The following CHRNA5 variants were observed in gnomAD, a reference collection of about 807,000 sequenced individuals.
The protein encoded by CHRNA5 is neuronal acetylcholine receptor subunit alpha-5.
In CHRNA5, 28 loss-of-function variants were observed where a neutral mutation model predicts 41.2. The observed-to-expected ratio is 0.68, with a 90% CI of 0.50 to 0.93. The LOEUF (loss-of-function observed/expected upper bound fraction) is 0.93. Ranked by LOEUF, CHRNA5 falls within the 40% of genes least tolerant of loss-of-function variation. The probability of loss-of-function intolerance (pLI) is 0.00; values close to 1 mark genes in which losing one functional copy is unlikely to be tolerated. For missense variants in CHRNA5, 481 were observed against 581.9 expected, an observed-to-expected ratio of 0.83 and a Z score of 1.78; for synonymous variants, 188 against 205.8, an observed-to-expected ratio of 0.91 and a Z score of 0.74.
intron 1 of CHRNA5, among the ~76,000 whole-genome samples, chr15:78,569,198 A>T (rs559371734): frequency 1.3e-5 from 2 of 152,172 alleles, no homozygotes; most frequent in East Asian, 3.9e-4. Flanking sequence ...TGCATTTATT[A>T]ATGTAGCCTA....
intron 1 of CHRNA5, among the ~76,000 whole-genome samples, chr15:78,572,454 A>T (rs1050444587): frequency 6.6e-6 from 1 of 152,136 alleles, no homozygotes; most frequent in East Asian, 1.9e-4. Context: ...ATCTACTGGT[A>T]TATAGTTTAT....
chr15:78,593,134 A>C (rs1482714291), exon 6 of CHRNA5: 1 of 1,613,246 alleles, frequency 6.2e-7, no homozygotes, highest in African/African-American at 1.3e-5. Flanking sequence ...TCTTGATCGG[A>C]TGTTTCTGTG....
intron 1 of CHRNA5, 114 bp downstream of exon 1, chr15:78,565,939 G>GT (rs201277469): frequency 0.011 from 5,175 of 456,998 alleles, 239 homozygotes; most frequent in African/African-American, 0.098. Context: ...GGGGAGGTGG[G>GT]TTTTTTTCTC....
At chr15:78,577,331 C>T (rs2052867892) in intron 1 of CHRNA5, among the ~76,000 whole-genome samples, 1 of 152,142 alleles carries the variant, frequency 6.6e-6, no homozygotes, top group African/African-American at 2.4e-5. Flanking sequence ...AAACTTAAAA[C>T]ATTTACAGCC....
chr15:78,576,798 CA>C (rs150275412), intron 1 of CHRNA5, among the ~76,000 whole-genome samples: 39,533 of 97,394 alleles, frequency 0.41, 4,950 homozygotes, highest in Middle Eastern at 0.55. Context: ...GACCCAGTCT[CA>C]AAAAAAAAAA....
intron 1 of CHRNA5, among the ~76,000 whole-genome samples, chr15:78,576,864 C>CA (rs1287956255): frequency 3.3e-5 from 5 of 151,454 alleles, no homozygotes; most frequent in East Asian, 1.9e-4. Flanking sequence ...ATAGAGATGC[C>CA]AAAAAAGTGT....
chr15:78,585,794 T>TTCTTTC lies in CHRNA5; in HGVS notation c.259-850_259-849insCTTTCT, dbSNP rs542618606. Among the ~76,000 whole-genome samples the TTCTTTC allele has an allele frequency of 9.6e-3, 1,379 of 144,050 alleles. 160 individuals carry two copies. The East Asian group carries it at 0.25, about 26-fold the overall frequency. 94.5% of individuals were successfully genotyped at this position (144,050 alleles called of 152,430 possible). On this transcript the variant is annotated intron_variant, in intron 2 of 5. Coordinates refer to ENST00000299565, the Ensembl canonical transcript of CHRNA5. ...TTCTTTTTCTTTTCTTTTCTTTCTT[T>TTCTTTC]TTTTTTTTGAGATGGAGTCTCGCTG... is the stretch of plus-strand genomic sequence containing the variant.
intron 1 of CHRNA5, among the ~76,000 whole-genome samples, chr15:78,578,933 A>T (rs1395758161): frequency 6.6e-6 from 1 of 152,088 alleles, no homozygotes; most frequent in African/African-American, 2.4e-5. Flanking sequence ...GTGAAAACTC[A>T]TTTCTTCAGA....
At chr15:78,567,487 A>G (rs901964039) in intron 1 of CHRNA5, among the ~76,000 whole-genome samples, 3 of 152,184 alleles carry the variant, frequency 2.0e-5, no homozygotes, top group Non-Finnish European at 4.4e-5. Context: ...ATCTCCCTTC[A>G]TGCATGGTGT....
exon 1 of CHRNA5, chr15:78,565,547 G>C: frequency 4.7e-6 from 1 of 213,890 alleles, no homozygotes; most frequent in Non-Finnish European, 9.1e-6. Flanking sequence ...GCCAGAAGCT[G>C]CTAGGCTGAG....
Position 78,588,400 on chromosome 15 carries a change from ACC to A in CHRNA5, c.391_392del (p.Pro131ArgfsTer6). ...GTGTTCCTTCAGACTCTGTCTGGAC[ACC>A]AGACATCGTTTTGTTTGATAAGTAA... On this transcript the variant is annotated frameshift_variant, in exon 4 of 6. Transcript: ENST00000299565. LOFTEE classifies it high-confidence loss of function. The surrounding 1 kb of genome is among the most constrained non-coding windows in gnomAD (Gnocchi z 4.1). 1 of 1,532,220 alleles carries A rather than the reference ACC, an allele frequency of 6.5e-7. No individual in the cohort carries two copies. The highest frequency in any genetic ancestry group is 8.9e-7 in the Non-Finnish European group (1 of 1,125,850). The allele number at this position is 1,532,220 out of a possible 1,614,324, so 94.9% of individuals were successfully genotyped here.
chr15:78,595,188 C>A (rs1416694541), exon 6 of CHRNA5: 2 of 654,360 alleles, frequency 3.1e-6, no homozygotes, highest in Non-Finnish European at 3.8e-6. Flanking sequence ...CAGCTACCTA[C>A]CTTAGTTCGT....
At chr15:78,583,232 TC>T (rs1464712264) in intron 2 of CHRNA5, among the ~76,000 whole-genome samples, 1 of 152,080 alleles carries the variant, frequency 6.6e-6, no homozygotes, top group East Asian at 1.9e-4. Flanking sequence ...TTTCAGAAGA[TC>T]AGTAAAACAG....
chr15:78,566,820 A>G, intron 1 of CHRNA5, among the ~76,000 whole-genome samples: 1 of 151,372 alleles, frequency 6.6e-6, no homozygotes, highest in East Asian at 1.9e-4. Flanking sequence ...GGGTGATTTA[A>G]ACAAATGAAG....
At chr15:78,590,596 A>G (rs2141422517) in exon 5 of CHRNA5, 1 of 1,613,560 alleles carries the variant, frequency 6.2e-7, no homozygotes, top group Non-Finnish European at 8.5e-7. Context: ...TCTATTCGCT[A>G]CATTACAAGA....
chr15:78,577,176 A>G (rs1212835959), intron 1 of CHRNA5, among the ~76,000 whole-genome samples: 1 of 152,256 alleles, frequency 6.6e-6, no homozygotes, highest in Admixed American at 6.5e-5. Context: ...TGATGAGAGC[A>G]TGAAGCCAAG....
intron 1 of CHRNA5, among the ~76,000 whole-genome samples, chr15:78,567,961 G>A (rs914142822): frequency 6.6e-6 from 1 of 152,202 alleles, no homozygotes; most frequent in East Asian, 1.9e-4. Flanking sequence ...CCTGCCACTC[G>A]CTGTCTGTGT....
chr15:78,584,338 C>T (rs970691032), intron 2 of CHRNA5, among the ~76,000 whole-genome samples: 2 of 152,262 alleles, frequency 1.3e-5, no homozygotes, highest in South Asian at 2.1e-4. Context: ...TTTATAAATA[C>T]GATTACCCCT....
chr15:78,579,736 TA>T (rs1254020841), intron 1 of CHRNA5, among the ~76,000 whole-genome samples: 1 of 152,164 alleles, frequency 6.6e-6, no homozygotes, highest in African/African-American at 2.4e-5. Context: ...TCACTGTTGC[TA>T]ATCCAACACT....
Sources: allele counts gnomAD v4.1 joint callset (sites outside exome capture counted in the v4.1 genomes callset), GRCh38; gene constraint gnomAD v4.1.1; non-coding constraint Gnocchi (gnomAD v3.1); transcripts MANE v1.5; gene names NCBI Gene and HGNC (gene_info 2026-07-23, HGNC 2026-07-21).